PTPRT: variants seen among roughly 807,000 people sequenced by gnomAD.
PTPRT encodes receptor-type tyrosine-protein phosphatase T.
In PTPRT, 56 loss-of-function variants were observed where a neutral mutation model predicts 176.8. The observed-to-expected ratio is 0.32, with a 90% CI of 0.26 to 0.40. The LOEUF (loss-of-function observed/expected upper bound fraction) is 0.40. PTPRT is among the 10% of genes least tolerant of loss of function. The pLI is 1.00. For synonymous variants in PTPRT, 783 were observed against 739.0 expected, an observed-to-expected ratio of 1.06 and a Z score of -0.96; for missense variants, 1,540 against 1,908.2, an observed-to-expected ratio of 0.81 and a Z score of 3.60.
At chr20:42,698,295 C>G (rs1275231051) in intron 6 of PTPRT, among the ~76,000 whole-genome samples, 1 of 152,236 alleles carries the variant, frequency 6.6e-6, no homozygotes, top group East Asian at 1.9e-4. Context: ...AGTTCCTTTA[C>G]AGACAAGAAG....
At chr20:42,402,771 C>G (rs1004083255) in intron 9 of PTPRT, among the ~76,000 whole-genome samples, 1 of 148,840 alleles carries the variant, frequency 6.7e-6, no homozygotes, top group Non-Finnish European at 1.5e-5. Context: ...CTACTCATGC[C>G]GCTTTGTGTT....
chr20:42,400,567 A>G (rs932803941), intron 9 of PTPRT, among the ~76,000 whole-genome samples: 3 of 152,112 alleles, frequency 2.0e-5, no homozygotes, highest in Non-Finnish European at 4.4e-5. Context: ...AAGAAGCCAC[A>G]TCTTGCTGGA....
intron 1 of PTPRT, among the ~76,000 whole-genome samples, chr20:42,914,513 T>C (rs1433155125): frequency 6.6e-6 from 1 of 152,202 alleles, no homozygotes; most frequent in African/African-American, 2.4e-5. Flanking sequence ...TAAAAACGAA[T>C]GACCTATTGA....
chr20:42,262,030 C>G (rs1251898720), intron 13 of PTPRT, among the ~76,000 whole-genome samples: 1 of 152,190 alleles, frequency 6.6e-6, no homozygotes, highest in Non-Finnish European at 1.5e-5. Context: ...AGTAAACACG[C>G]AGCACAGAAT....
intron 2 of PTPRT, among the ~76,000 whole-genome samples, chr20:42,866,241 G>A (rs1331274230): frequency 6.6e-6 from 1 of 152,194 alleles, no homozygotes; most frequent in Admixed American, 6.5e-5. Context: ...GGGCACAGAG[G>A]TAGGGTCTCT....
intron 7 of PTPRT, among the ~76,000 whole-genome samples, chr20:42,661,040 C>T (rs927180904): frequency 7.2e-5 from 11 of 151,988 alleles, no homozygotes; most frequent in African/African-American, 1.9e-4. Context: ...TAGTAGAGAT[C>T]GGGTTTCACC....
intron 6 of PTPRT, among the ~76,000 whole-genome samples, chr20:42,696,343 C>A (rs764165873): frequency 1.3e-5 from 2 of 151,476 alleles, no homozygotes; most frequent in Non-Finnish European, 2.9e-5. Context: ...TCCTCTCTCC[C>A]GTTCTCCTTT....
chr20:43,169,929 T>C (rs2146457915), intron 1 of PTPRT, among the ~76,000 whole-genome samples: 1 of 152,262 alleles, frequency 6.6e-6, no homozygotes, highest in African/African-American at 2.4e-5. Context: ...GTTTAATATC[T>C]CTTTGGTGGC....
chr20:43,063,749 G>A (rs1405657193), intron 1 of PTPRT: 1 of 152,170 alleles, frequency 6.6e-6, no homozygotes, highest in Admixed American at 6.5e-5. Context: ...AAGAAAAGAG[G>A]AAACAGTCAT....
intron 19 of PTPRT, among the ~76,000 whole-genome samples, chr20:42,120,272 C>T (rs1987518314): frequency 1.3e-5 from 2 of 152,120 alleles, no homozygotes; most frequent in South Asian, 2.1e-4. Flanking sequence ...CACCCAAAAA[C>T]AGGTAGAGAA....
At chr20:42,984,194 G>A (rs1319798269) in intron 1 of PTPRT, among the ~76,000 whole-genome samples, 1 of 152,192 alleles carries the variant, frequency 6.6e-6, no homozygotes, top group South Asian at 2.1e-4. Flanking sequence ...ACAAACATGA[G>A]TGTATATGCA....
chr20:42,542,880 G>T lies in PTPRT; in HGVS notation c.1154-70318C>A, dbSNP rs144836575. Among the ~76,000 whole-genome samples the T allele has an allele frequency of 7.9e-3, 1,204 of 152,224 alleles. 13 individuals carry two copies. The highest frequency in any genetic ancestry group is 0.027 in the African/African-American group (1,140 of 41,530). On this transcript the variant is annotated intron_variant, in intron 7 of 30. Coordinates refer to ENST00000373187, the MANE Select transcript of PTPRT (RefSeq NM_007050.6). ...GACTAAAAGAAGGTACTGAACAAGA[G>T]GTCTATAAAAGTTATGTGTACACTA...
intron 2 of PTPRT, among the ~76,000 whole-genome samples, chr20:42,794,892 C>T (rs983629647): frequency 5.9e-5 from 9 of 152,006 alleles, no homozygotes; most frequent in African/African-American, 2.2e-4. Context: ...GCGGCCATCT[C>T]TAGCCCCTTC....
intron 12 of PTPRT, among the ~76,000 whole-genome samples, chr20:42,292,181 T>C (rs974814413): frequency 6.6e-6 from 1 of 152,126 alleles, no homozygotes; most frequent in African/African-American, 2.4e-5. Flanking sequence ...GGGTCCTTAG[T>C]CTAGCCTTCC....
In PTPRT at chr20:42,575,852, T is replaced by C. The variant is rs546505879; in HGVS notation, c.1153+102014A>G. Among the ~76,000 whole-genome samples the C allele has an allele frequency of 3.9e-5, 6 of 152,224 alleles. No homozygotes were observed. The South Asian group carries it at 1.2e-3, about 32-fold the overall frequency. On this transcript the variant is annotated intron_variant, in intron 7 of 30. Transcript: ENST00000373187. ...ACACTAGTCCAGCCACAATCTTCTG[T>C]TGCCTAGATGACCCCAGCAGCTCCC...
intron 9 of PTPRT, among the ~76,000 whole-genome samples, chr20:42,404,438 C>T (rs561146576): frequency 9.9e-5 from 15 of 152,248 alleles, no homozygotes; most frequent in African/African-American, 3.6e-4. Flanking sequence ...TTATGGTTTT[C>T]TGGTCATTAT....
intron 12 of PTPRT, among the ~76,000 whole-genome samples, chr20:42,288,776 C>G (rs904162968): frequency 2.0e-5 from 3 of 151,926 alleles, no homozygotes; most frequent in Non-Finnish European, 4.4e-5. Flanking sequence ...CTAACGGGCA[C>G]CTAGGTTGAT....
intron 1 of PTPRT, among the ~76,000 whole-genome samples, chr20:43,125,939 A>G (rs1472096871): frequency 6.6e-6 from 1 of 152,260 alleles, no homozygotes; most frequent in African/African-American, 2.4e-5. Context: ...TTAGAGAGGC[A>G]TTCTGGATAA....
At chr20:42,940,570 T>A (rs1980477920) in intron 1 of PTPRT, among the ~76,000 whole-genome samples, 1 of 152,064 alleles carries the variant, frequency 6.6e-6, no homozygotes, top group Non-Finnish European at 1.5e-5. Flanking sequence ...TGACAGTGTG[T>A]TAGGCACGTG....
Sources: allele counts gnomAD v4.1 joint callset (sites outside exome capture counted in the v4.1 genomes callset), GRCh38; gene constraint gnomAD v4.1.1; transcripts MANE v1.5; gene names NCBI Gene and HGNC (gene_info 2026-07-23, HGNC 2026-07-21).